MOBP: variants seen among roughly 807,000 people sequenced by gnomAD.
MOBP encodes the protein myelin-associated oligodendrocyte basic protein.
A neutral mutation model predicts 15.0 loss-of-function variants in MOBP; 5 were observed. The observed-to-expected ratio is 0.33, with a 90% CI of 0.17 to 0.70. The LOEUF (loss-of-function observed/expected upper bound fraction) is 0.70. MOBP is among the 30% of genes least tolerant of loss of function. The probability of loss-of-function intolerance (pLI) is 0.67; values close to 1 mark genes in which losing one functional copy is unlikely to be tolerated. For synonymous variants in MOBP, 88 were observed against 99.0 expected (o/e 0.89, Z 0.66); for missense variants, 188 against 257.8 (o/e 0.73, Z 1.85).
At chr3:39,519,606 T>A (rs1212982086), downstream of MOBP, among the ~76,000 whole-genome samples, 5 of 152,030 alleles carry the variant, frequency 3.3e-5, no homozygotes, top group Non-Finnish European at 7.4e-5. Context: ...GCCAGTTGAC[T>A]CTTTATTTTC....
intron 1 of MOBP, among the ~76,000 whole-genome samples, chr3:39,471,309 T>C (rs2125621200): frequency 6.6e-6 from 1 of 152,132 alleles, no homozygotes; most frequent in Admixed American, 6.5e-5. Context: ...TTTTGTATTT[T>C]TAGTAGAGAC....
chr3:39,515,440 C>G (rs1339743966), exon 5 of MOBP: 1 of 152,182 alleles, frequency 6.6e-6, no homozygotes, highest in Admixed American at 6.5e-5. Flanking sequence ...TCCTCCCCAA[C>G]CTTTCCAGCG....
chr3:39,498,610 A>G (rs2042921727), intron 2 of MOBP, among the ~76,000 whole-genome samples: 1 of 152,196 alleles, frequency 6.6e-6, no homozygotes. Context: ...GTCTTTTCAA[A>G]AATATAAACA....
chr3:39,504,236 C>T (rs963086844), downstream of MOBP, among the ~76,000 whole-genome samples: 1 of 152,122 alleles, frequency 6.6e-6, no homozygotes, highest in African/African-American at 2.4e-5. Flanking sequence ...TCTTAAGGAC[C>T]CTGAGTAGAA....
At chr3:39,496,067 TGTG>T (rs1370653644) in intron 2 of MOBP, among the ~76,000 whole-genome samples, 3 of 152,074 alleles carry the variant, frequency 2.0e-5, no homozygotes, top group Admixed American at 1.3e-4. Context: ...ATATGTAAGG[TGTG>T]GTCCTACTTT....
chr3:39,524,493 TG>T (rs200515863), exon 5 of MOBP: 2 of 151,396 alleles, frequency 1.3e-5, no homozygotes, highest in Admixed American at 6.6e-5. Flanking sequence ...CAGGGACATG[TG>T]GAAAAAAAAA....
chr3:39,498,589 T>A (rs2042921446), intron 2 of MOBP, among the ~76,000 whole-genome samples: 1 of 151,922 alleles, frequency 6.6e-6, no homozygotes, highest in African/African-American at 2.4e-5. Flanking sequence ...GACCTCGTGA[T>A]CCGCCCGCCA....
intron 1 of MOBP, among the ~76,000 whole-genome samples, chr3:39,470,648 T>A (rs2042456282): frequency 6.6e-6 from 1 of 152,206 alleles, no homozygotes; most frequent in Non-Finnish European, 1.5e-5. Flanking sequence ...TAATTTTTAT[T>A]AATGGTATAA....
At chr3:39,517,782 A>G (rs2043221377), downstream of MOBP, 1 of 152,250 alleles carries the variant, frequency 6.6e-6, no homozygotes, top group African/African-American at 2.4e-5. Context: ...TATCCAAAGT[A>G]CAGGTGAGCA....
downstream of MOBP, among the ~76,000 whole-genome samples, chr3:39,518,228 G>T (rs1487153412): frequency 1.3e-5 from 2 of 152,146 alleles, no homozygotes; most frequent in African/African-American, 4.8e-5. Flanking sequence ...AACCCAAAAG[G>T]TGCAAGGATT....
chr3:39,480,626 A>G (rs2042615054), intron 2 of MOBP, among the ~76,000 whole-genome samples: 1 of 152,090 alleles, frequency 6.6e-6, no homozygotes, highest in Non-Finnish European at 1.5e-5. Flanking sequence ...CTGTGCCTTC[A>G]CCCTCTAGTT....
chr3:39,497,359 T>C (rs1432681215), intron 2 of MOBP, among the ~76,000 whole-genome samples: 1 of 152,238 alleles, frequency 6.6e-6, no homozygotes, highest in African/African-American at 2.4e-5. Flanking sequence ...TCCCCAACTT[T>C]CAGTCTTTGT....
chr3:39,473,365 G>T (rs747941469), intron 1 of MOBP, among the ~76,000 whole-genome samples: 3 of 152,204 alleles, frequency 2.0e-5, no homozygotes, highest in Non-Finnish European at 2.9e-5. Context: ...GAAGCGCTAA[G>T]GTCTTAGGTC....
intron 2 of MOBP, among the ~76,000 whole-genome samples, chr3:39,493,338 A>G (rs1404697297): frequency 1.3e-5 from 2 of 152,226 alleles, no homozygotes. Flanking sequence ...TAAAGATAGC[A>G]AATTAATTTG....
downstream of MOBP, among the ~76,000 whole-genome samples, chr3:39,507,932 T>C (rs1197587651): frequency 6.6e-6 from 1 of 152,230 alleles, no homozygotes; most frequent in Non-Finnish European, 1.5e-5. Flanking sequence ...CATTTTAATG[T>C]CGTTCACAAA....
At chr3:39,523,807 A>AAAGCC (rs1461836006) in intron 3 of MOBP, among the ~76,000 whole-genome samples, 1 of 152,208 alleles carries the variant, frequency 6.6e-6, no homozygotes, top group East Asian at 1.9e-4. Flanking sequence ...GAGTTATGTA[A>AAAGCC]CAAAAACTGG....
At chr3:39,495,750 CAAA>C (rs1179926622) in intron 2 of MOBP, among the ~76,000 whole-genome samples, 6 of 60,180 alleles carry the variant, frequency 1.0e-4, no homozygotes, top group Admixed American at 5.4e-4. Flanking sequence ...GAGACCTTGT[CAAA>C]AAAAAAAAAA....
chr3:39,505,716 G>A (rs780656970), downstream of MOBP, among the ~76,000 whole-genome samples: 1 of 152,126 alleles, frequency 6.6e-6, no homozygotes, highest in Non-Finnish European at 1.5e-5. Context: ...AGACCACATG[G>A]TTAACTACGC....
At position 39,468,937 on chromosome 3, in the gene MOBP, T is replaced by A. The variant is rs1042970840; in HGVS notation, c.-89+1197T>A. ...AGTGTGTATATATACATATATACATTGTGTGTATATATACATATATACATA... is the reference window on the plus strand; with the variant it reads ...AGTGTGTATATATACATATATACATAGTGTGTATATATACATATATACATA... On this transcript the variant is annotated intron_variant, in intron 1 of 3. Coordinates refer to ENST00000684792, the MANE Select transcript of MOBP (RefSeq NM_001393704.1). Among the ~76,000 whole-genome samples, 55 of 69,396 alleles carry A rather than the reference T, an allele frequency of 7.9e-4. 10 individuals carry two copies. Among genetic ancestry groups the A allele is most frequent in the African/African-American group, 6.1e-3 (40 of 6,532 alleles). The allele number at this position is 69,396 out of a possible 152,430, so 45.5% of individuals were successfully genotyped here. A position where few individuals can be genotyped will look rare whatever the true frequency, so the allele number is the denominator to read the frequency against.
Sources: gnomAD v4.1 joint callset for allele counts (sites outside exome capture counted in the v4.1 genomes callset) on GRCh38, gnomAD v4.1.1 for gene constraint, MANE v1.5 for transcripts, NCBI Gene and HGNC (gene_info 2026-07-23, HGNC 2026-07-21) for gene names.